The following USP49 variants were observed in gnomAD, a reference collection of about 807,000 sequenced individuals.
USP49 encodes the protein ubiquitin carboxyl-terminal hydrolase 49.
Under a neutral mutation model 58.6 loss-of-function variants are expected in USP49, and 24 were observed. The ratio of observed to expected loss-of-function variants is 0.41; its 90% CI spans 0.30 to 0.58. The LOEUF (loss-of-function observed/expected upper bound fraction) is 0.58, where lower values mean the gene tolerates loss of function less well. Among genes scored for constraint, USP49 ranks in the 20% least tolerant of loss-of-function variants. The probability of loss-of-function intolerance (pLI) is 0.30; values close to 1 mark genes in which losing one functional copy is unlikely to be tolerated. For missense variants in USP49, 703 were observed against 866.1 expected (o/e 0.81, Z 2.36); for synonymous variants, 408 against 365.1 (o/e 1.12, Z -1.34).
At position 41,806,310 on chromosome 6, in the gene USP49, C is replaced by A. The variant is rs962825067; in HGVS notation, c.674G>T (p.Arg225Leu). 8.9e-6 allele frequency: 14 copies of A among 1,573,436 alleles called. No homozygotes were observed. Among genetic ancestry groups the A allele is most frequent in the Non-Finnish European group, 1.0e-5 (12 of 1,166,434 alleles). The change falls in exon 4 of 8, where the codon CGC becomes CTC. Residue 225 changes from arginine to leucine, a missense_variant. Arg to Leu is a moderately radical substitution (Grantham distance 102, BLOSUM62 -2). This residue lies in a region of USP49 where 376 missense variants were observed against 373.5 expected (regional missense o/e 1.01). Transcript: ENST00000682992. The surrounding 1 kb of genome is among the most constrained non-coding windows in gnomAD (Gnocchi z 5.9). ...TPRDAGPAAS[R>L]PAALPTSRRV... ...GCGTGAGGTAGGGAGGGCGGCGGGG[C>A]GCGAGGCAGCCGGGCCCGCGTCGCG...
At position 41,806,100 on chromosome 6, in the gene USP49, T is replaced by C. The variant is rs1219889710; in HGVS notation, c.884A>G (p.Lys295Arg). Residue 295 changes from lysine (K) to arginine (R), a missense_variant, in exon 4 of 8, where the codon AAA becomes AGA. Transcript: ENST00000682992. The surrounding 1 kb of genome is among the most constrained non-coding windows in gnomAD (Gnocchi z 5.9). ...AAGCTGAGTCTTCCCGTTGGTGGCT[T>C]TGGGAAACAGATGTTCCGTTTTGGA... ...DPSKTEHLFP[K>R]ATNGKTQLSG... 14 of 1,613,862 alleles carry C rather than the reference T, an allele frequency of 8.7e-6. No homozygotes were observed. The highest frequency in any genetic ancestry group is 6.7e-5 in the East Asian group (3 of 44,898).
intron 3 of USP49, among the ~76,000 whole-genome samples, chr6:41,865,895 C>A: frequency 6.9e-6 from 1 of 145,410 alleles, no homozygotes; most frequent in South Asian, 2.2e-4. Context: ...CCTCCCACCT[C>A]AGCCTTCCAA....
chr6:41,875,472 C>A (rs535434188), intron 2 of USP49, among the ~76,000 whole-genome samples: 2 of 152,106 alleles, frequency 1.3e-5, no homozygotes, highest in South Asian at 2.1e-4. Flanking sequence ...TAAATAATAT[C>A]TTTTATGTCT....
intron 7 of USP49, chr6:41,797,896 C>T: frequency 1.2e-6 from 1 of 865,660 alleles, no homozygotes. Context: ...GAGTCAGGAT[C>T]TCACTCTGTT....
At chr6:41,823,987 G>C (rs1387155123) in intron 3 of USP49, among the ~76,000 whole-genome samples, 2 of 152,272 alleles carry the variant, frequency 1.3e-5, no homozygotes, top group East Asian at 3.9e-4. Flanking sequence ...GCCTAAAGTT[G>C]GAGAGCACTA....
chr6:41,886,254 T>G (rs952669606), intron 2 of USP49, among the ~76,000 whole-genome samples: 1 of 152,200 alleles, frequency 6.6e-6, no homozygotes, highest in African/African-American at 2.4e-5. Context: ...GCAATGACCA[T>G]CTATAGGGAT....
chr6:41,808,083 C>G (rs951528720), intron 3 of USP49, among the ~76,000 whole-genome samples: 2 of 152,064 alleles, frequency 1.3e-5, no homozygotes, highest in Non-Finnish European at 2.9e-5. Context: ...AGCCAACATC[C>G]GTCTTTTTGA....
At chr6:41,798,577 A>C (rs777878574) in intron 7 of USP49, 147 bp downstream of exon 7, 143 of 1,561,754 alleles carry the variant, frequency 9.2e-5, no homozygotes, top group Admixed American at 2.5e-4. Context: ...CGCCCAACCC[A>C]ATTTTCACAA....
intron 3 of USP49, among the ~76,000 whole-genome samples, chr6:41,822,587 C>T (rs1432878808): frequency 6.6e-6 from 1 of 152,154 alleles, no homozygotes; most frequent in Non-Finnish European, 1.5e-5. Flanking sequence ...GTGGCTCATG[C>T]CTGTAATCCT....
chr6:41,887,773 A>G (rs1774739299), intron 2 of USP49, among the ~76,000 whole-genome samples: 1 of 152,210 alleles, frequency 6.6e-6, no homozygotes, highest in South Asian at 2.1e-4. Flanking sequence ...TAGAGTGTAA[A>G]TCACTAATTA....
rs531706946 is a variant in USP49, at chr6:41,801,342, C to T, written c.1562-1404G>A. ...CTGATTCCAAGTCCTGTCTGTACTA[C>T]TCATGAAAGGTAGCAAATCACAGCC... On this transcript the variant is annotated intron_variant, in intron 5 of 7. Transcript: ENST00000682992. Among the ~76,000 whole-genome samples the T allele has an allele frequency of 2.0e-5, 3 of 152,280 alleles. No homozygotes were observed. In the South Asian group the frequency reaches 6.2e-4, roughly 32 times the overall value.
At chr6:41,815,674 G>A (rs555281960) in intron 3 of USP49, among the ~76,000 whole-genome samples, 38 of 152,198 alleles carry the variant, frequency 2.5e-4, no homozygotes, top group Admixed American at 1.5e-3. Flanking sequence ...AGAAGGGTTC[G>A]GAAGCTCTGA....
chr6:41,803,202 G>T lies in USP49; in HGVS notation c.1561+604C>A, dbSNP rs1259166116. ...AAGAAGCTAAGTACTAACATTCTCA[G>T]AGTCCCCATTTCAGGAGCCACAACT... On this transcript the variant is annotated intron_variant, in intron 5 of 7. Transcript: ENST00000682992. This position sits in a 1 kb window ranked among gnomAD's most constrained non-coding sequence, Gnocchi z 4.1. Among the ~76,000 whole-genome samples the T allele has an allele frequency of 1.3e-5, 2 of 152,202 alleles. No individual in the cohort carries two copies. The highest frequency in any genetic ancestry group is 1.3e-4 in the Admixed American group (2 of 15,274).
At position 41,796,971 on chromosome 6, in the gene USP49, A is replaced by G. The variant is rs1196911490; in HGVS notation, c.1877-248T>C. ...TTTTTTTTTTTTTTTTTTTTTTGAGACAGAGTCTCGCTCTGTCACCCAGGC... is the reference window on the plus strand; with the variant it reads ...TTTTTTTTTTTTTTTTTTTTTTGAGGCAGAGTCTCGCTCTGTCACCCAGGC... On this transcript the variant is annotated intron_variant, in intron 7 of 7. Coordinates refer to ENST00000682992, the MANE Select transcript of USP49 (RefSeq NM_001286554.2). Among the ~76,000 whole-genome samples the G allele has an allele frequency of 9.8e-5, 12 of 122,518 alleles. No homozygotes were observed. The East Asian group carries it at 1.9e-3, about 19-fold the overall frequency. 80.4% of individuals were successfully genotyped at this position (122,518 alleles called of 152,430 possible).
intron 2 of USP49, among the ~76,000 whole-genome samples, chr6:41,876,601 A>G (rs1460534473): frequency 2.0e-5 from 3 of 152,034 alleles, no homozygotes; most frequent in African/African-American, 7.2e-5. Flanking sequence ...TTTGGTAAAG[A>G]GGGGGTTTCA....
At chr6:41,845,476 C>T (rs1260050392) in intron 3 of USP49, among the ~76,000 whole-genome samples, 8 of 151,610 alleles carry the variant, frequency 5.3e-5, no homozygotes, top group Admixed American at 4.6e-4. Flanking sequence ...GCTGAGATGG[C>T]GCCATTGCAC....
Position 41,792,593 on chromosome 6 carries a change from T to C in USP49, c.*3940A>G, listed in dbSNP as rs1772816737. ...ACATGACAAGGGAAGTGAAAAACAA[T>C]GGAGTACACAGTCTGCCTTGAAAAG... On this transcript the variant is annotated 3_prime_UTR_variant, in exon 8 of 8. Transcript: ENST00000682992. 1 of 152,184 alleles carries C rather than the reference T, an allele frequency of 6.6e-6. No homozygotes were observed. The highest frequency in any genetic ancestry group is 6.5e-5 in the Admixed American group (1 of 15,282). The allele number at this position is 152,184 out of a possible 1,614,324, so 9.4% of individuals were successfully genotyped here.
chr6:41,833,033 T>C (rs1773662776), intron 3 of USP49: 1 of 151,540 alleles, frequency 6.6e-6, no homozygotes, highest in Non-Finnish European at 1.5e-5. Flanking sequence ...TTTTTTTTTT[T>C]TGAGACAGAG....
chr6:41,834,680 T>C (rs879280882), intron 3 of USP49, among the ~76,000 whole-genome samples: 1 of 152,214 alleles, frequency 6.6e-6, no homozygotes, highest in Non-Finnish European at 1.5e-5. Flanking sequence ...GCTCCAGCCA[T>C]GTAAGATGTG....
Sources: gnomAD v4.1 joint callset for allele counts (sites outside exome capture counted in the v4.1 genomes callset) on GRCh38, gnomAD v4.1.1 for gene constraint, gnomAD v4.1.1 regional missense constraint, Gnocchi (gnomAD v3.1) non-coding constraint, MANE v1.5 for transcripts, NCBI Gene and HGNC (gene_info 2026-07-23, HGNC 2026-07-21) for gene names.